BLTP3B: variants seen among roughly 807,000 people sequenced by gnomAD.
The protein encoded by BLTP3B is UHRF1 (ICBP90) binding protein 1-like.
chr12:100,044,617 G>A, the BLTP3B span, among the ~76,000 whole-genome samples: 1,596 of 152,172 alleles, frequency 0.01, 28 homozygotes, highest in African/African-American at 0.036. Flanking sequence ...GCAATACACC[G>A]AAAGTAACTA....
At chr12:100,121,832 G>GA in the BLTP3B span, among the ~76,000 whole-genome samples, 2 of 151,752 alleles carry the variant, frequency 1.3e-5, no homozygotes, top group Non-Finnish European at 2.9e-5. Context: ...TCCGTCTCAA[G>GA]AAAAAAAAGT....
At chr12:100,080,974 T>C in the BLTP3B span, among the ~76,000 whole-genome samples, 3 of 152,142 alleles carry the variant, frequency 2.0e-5, no homozygotes, top group African/African-American at 7.2e-5. Context: ...GTCTTTCCTG[T>C]GCTGTTCTTG....
At chr12:100,084,745 G>C in the BLTP3B span, 1 of 1,343,626 alleles carries the variant, frequency 7.4e-7, no homozygotes, top group Non-Finnish European at 1.0e-6. Context: ...AGATTTAGTC[G>C]TTTATTCAAG....
At chr12:100,115,902 C>A in the BLTP3B span, among the ~76,000 whole-genome samples, 1 of 152,110 alleles carries the variant, frequency 6.6e-6, no homozygotes, top group South Asian at 2.1e-4. Context: ...CTAGGCCAGG[C>A]GAGGTGGCTC....
chr12:100,087,591 T>C, the BLTP3B span, among the ~76,000 whole-genome samples: 4 of 152,138 alleles, frequency 2.6e-5, no homozygotes, highest in Non-Finnish European at 5.9e-5. Context: ...AACATAAATA[T>C]TTATAGGAAG....
At chr12:100,086,857 C>T in the BLTP3B span, among the ~76,000 whole-genome samples, 14 of 152,120 alleles carry the variant, frequency 9.2e-5, no homozygotes, top group Admixed American at 9.2e-4. Context: ...ATCATCCTAC[C>T]TCTTACTGAA....
the BLTP3B span, chr12:100,051,297 A>C: frequency 7.6e-7 from 1 of 1,316,600 alleles, no homozygotes; most frequent in South Asian, 1.6e-5. Context: ...CTTATTTAAC[A>C]AAAATGGACT....
the BLTP3B span, among the ~76,000 whole-genome samples, chr12:100,142,322 C>T: frequency 6.6e-6 from 1 of 152,152 alleles, no homozygotes; most frequent in Non-Finnish European, 1.5e-5. Flanking sequence ...GCGCCGGGAG[C>T]GATCCCAGCC....
At chr12:100,113,446 G>C in the BLTP3B span, among the ~76,000 whole-genome samples, 2 of 152,092 alleles carry the variant, frequency 1.3e-5, no homozygotes, top group African/African-American at 2.4e-5. Context: ...CTGGGAGACA[G>C]AGTAAGACTC....
the BLTP3B span, among the ~76,000 whole-genome samples, chr12:100,055,680 A>G: frequency 6.7e-6 from 1 of 149,190 alleles, no homozygotes; most frequent in East Asian, 1.9e-4. Flanking sequence ...TACATCTCAA[A>G]AAAAAAAAAA....
chr12:100,127,294 G>A, the BLTP3B span, among the ~76,000 whole-genome samples: 1 of 152,158 alleles, frequency 6.6e-6, no homozygotes, highest in Non-Finnish European at 1.5e-5. Context: ...CTTTCCCTTG[G>A]CAATTCTGTT....
chr12:100,051,043 T>C, the BLTP3B span: 9 of 1,604,808 alleles, frequency 5.6e-6, no homozygotes, highest in South Asian at 3.4e-5. Flanking sequence ...GTTGGTGGCA[T>C]TTATCTTCAT....
chr12:100,125,325 GT>G, the BLTP3B span, among the ~76,000 whole-genome samples: 1 of 120,514 alleles, frequency 8.3e-6, no homozygotes, highest in Non-Finnish European at 1.6e-5. Context: ...AGAGCGACCG[GT>G]TTCCATCTCA....
chr12:100,121,559 G>A, the BLTP3B span, among the ~76,000 whole-genome samples: 1 of 151,834 alleles, frequency 6.6e-6, no homozygotes, highest in Non-Finnish European at 1.5e-5. Context: ...GGCCAGGCAT[G>A]GTGGCTCAAG....
chr12:100,060,602 A>C, the BLTP3B span, among the ~76,000 whole-genome samples: 769 of 152,264 alleles, frequency 5.1e-3, 16 homozygotes, highest in Non-Finnish European at 2.1e-3. Flanking sequence ...ACTTTTAATC[A>C]AGGCCTATAA....
chr12:100,044,590 G>A, the BLTP3B span, among the ~76,000 whole-genome samples: 1 of 152,080 alleles, frequency 6.6e-6, no homozygotes, highest in Non-Finnish European at 1.5e-5. Flanking sequence ...AACATTAAAG[G>A]TGAACTAAGT....
At chr12:100,050,053 T>A in the BLTP3B span, 1 of 1,067,982 alleles carries the variant, frequency 9.4e-7, no homozygotes, top group African/African-American at 1.6e-5. Context: ...AATAAGTAAA[T>A]GTAATTTTCC....
At chr12:100,048,771 A>AGAGTGAGTGT in the BLTP3B span, among the ~76,000 whole-genome samples, 2 of 114,980 alleles carry the variant, frequency 1.7e-5, no homozygotes, top group Non-Finnish European at 1.8e-5. Flanking sequence ...AGTGAGAGTG[A>AGAGTGAGTGT]GTGTGTGTGT....
At chr12:100,047,960 T>C in the BLTP3B span, 40 of 1,500,524 alleles carry the variant, frequency 2.7e-5, no homozygotes, top group Admixed American at 5.3e-4. Context: ...TTTATTTTCG[T>C]GTTAGAAACT....
Sources: gnomAD v4.1 joint callset for allele counts (sites outside exome capture counted in the v4.1 genomes callset) on GRCh38, gnomAD v4.1.1 for gene constraint, MANE v1.5 for transcripts, NCBI Gene and HGNC (gene_info 2026-07-23, HGNC 2026-07-21) for gene names.